Variants in ZNF407 observed in about 807,000 individuals in gnomAD.
ZNF407 encodes the protein zinc finger protein 407.
A neutral mutation model predicts 131.2 loss-of-function variants in ZNF407; 17 were observed. That is an observed-to-expected ratio of 0.13 (90% CI 0.09 to 0.19). The LOEUF is 0.19. Ranked by LOEUF, ZNF407 falls within the 10% of genes least tolerant of loss-of-function variation. ZNF407 has a pLI of 1.00. For missense variants in ZNF407, 2,681 were observed against 2,830.6 expected (o/e 0.95, Z 1.20); for synonymous variants, 1,156 against 1,062.0 (o/e 1.09, Z -1.72).
intron 8 of ZNF407, among the ~76,000 whole-genome samples, chr18:75,056,938 TTAAG>T (rs1973568538): frequency 6.6e-6 from 1 of 152,232 alleles, no homozygotes; most frequent in Admixed American, 6.5e-5. Flanking sequence ...TTAATAGACA[TTAAG>T]TATGATTTCT....
In ZNF407 at chr18:74,651,507, C is replaced by T. The variant is rs747359574; in HGVS notation, c.4802+10385C>T. The stretch of plus-strand genomic sequence containing the variant: ...GTGAAGGTTGTAACTCATGTTTAAG[C>T]GAGACTGTGTCATTAGAAGTTCACA... On this transcript the variant is annotated intron_variant, in intron 3 of 8. Transcript: ENST00000299687. 4.6e-5 allele frequency among the ~76,000 whole-genome samples: 7 copies of T among 151,996 alleles called. No homozygotes were observed. The East Asian group carries it at 5.8e-4, about 13-fold the overall frequency.
chr18:75,005,013 G>A (rs146492354), intron 8 of ZNF407, among the ~76,000 whole-genome samples: 1 of 152,174 alleles, frequency 6.6e-6, no homozygotes, highest in Admixed American at 6.5e-5. Context: ...GAAAATAGGA[G>A]TTTGATATGA....
At chr18:74,701,483 A>C (rs1028572492) in intron 3 of ZNF407, among the ~76,000 whole-genome samples, 1 of 152,148 alleles carries the variant, frequency 6.6e-6, no homozygotes. Context: ...CTATGTATGT[A>C]TACCATAGAC....
chr18:74,974,075 A>G (rs968028956), intron 8 of ZNF407, among the ~76,000 whole-genome samples: 1 of 152,226 alleles, frequency 6.6e-6, no homozygotes, highest in Non-Finnish European at 1.5e-5. Flanking sequence ...CATAGTATAT[A>G]TAAGTATTCA....
intron 8 of ZNF407, among the ~76,000 whole-genome samples, chr18:74,925,977 C>G (rs1183269039): frequency 6.6e-6 from 1 of 152,124 alleles, no homozygotes; most frequent in Non-Finnish European, 1.5e-5. Context: ...GACTAGATTC[C>G]TTGTTTTCCA....
intron 8 of ZNF407, among the ~76,000 whole-genome samples, chr18:74,926,377 T>C (rs1031210599): frequency 2.6e-5 from 4 of 152,234 alleles, no homozygotes; most frequent in Non-Finnish European, 1.5e-5. Context: ...CCAGGAAAAT[T>C]GTATTTGTGG....
chr18:74,749,385 G>A (rs1306497438), intron 3 of ZNF407, among the ~76,000 whole-genome samples: 1 of 152,090 alleles, frequency 6.6e-6, no homozygotes, highest in African/African-American at 2.4e-5. Flanking sequence ...GGTATGGCCT[G>A]TATCAATTCC....
At chr18:75,053,383 A>G (rs1950026640) in intron 8 of ZNF407, among the ~76,000 whole-genome samples, 1 of 152,216 alleles carries the variant, frequency 6.6e-6, no homozygotes, top group Non-Finnish European at 1.5e-5. Flanking sequence ...CAGAAAAGCT[A>G]GGTCAGGTGT....
chr18:74,611,601 T>C (rs938460984), intron 1 of ZNF407, among the ~76,000 whole-genome samples: 5 of 152,304 alleles, frequency 3.3e-5, no homozygotes, highest in South Asian at 2.1e-4. Flanking sequence ...GACAATATTG[T>C]TGGGAGGACA....
At chr18:74,899,771 A>C (rs552698338) in intron 7 of ZNF407, among the ~76,000 whole-genome samples, 10 of 152,168 alleles carry the variant, frequency 6.6e-5, no homozygotes, top group Admixed American at 6.5e-4. Context: ...TGTTGATGAA[A>C]TAGGAGAGTG....
rs1201999192 is a variant in ZNF407 at position 75,065,214 on chromosome 18, G to A, written c.*746G>A. On this transcript the variant is annotated 3_prime_UTR_variant, in exon 9 of 9. Transcript: ENST00000299687. ...ATATATGTCGGTGGAGATAGCCAGT[G>A]CTTCTAATTTTGACTTAGTTTCATA... is the stretch of plus-strand genomic sequence containing the variant. 1 of 152,238 alleles carries A rather than the reference G, an allele frequency of 6.6e-6. No homozygotes were observed. The highest frequency in any genetic ancestry group is 1.5e-5 in the Non-Finnish European group (1 of 68,020). 9.4% of individuals were successfully genotyped at this position (152,238 alleles called of 1,614,324 possible). A position where few individuals can be genotyped will look rare whatever the true frequency, so the allele number is the denominator to read the frequency against.
intron 4 of ZNF407, among the ~76,000 whole-genome samples, chr18:74,811,761 A>AGTATTCTC (rs1179010238): frequency 6.6e-6 from 1 of 152,120 alleles, no homozygotes; most frequent in Non-Finnish European, 1.5e-5. Context: ...ATTCTCAGTA[A>AGTATTCTC]ACTATTGCAA....
At chr18:74,679,564 G>A (rs908937670) in intron 3 of ZNF407, among the ~76,000 whole-genome samples, 1 of 152,206 alleles carries the variant, frequency 6.6e-6, no homozygotes, top group Non-Finnish European at 1.5e-5. Context: ...TTTTAATGGT[G>A]ACATAATCTC....
At chr18:74,879,012 AAAATC>A (rs1307456793) in intron 5 of ZNF407, among the ~76,000 whole-genome samples, 2 of 152,254 alleles carry the variant, frequency 1.3e-5, no homozygotes, top group East Asian at 3.9e-4. Flanking sequence ...TACACATAAA[AAAATC>A]AAAGTCACTA....
At chr18:74,640,969 A>C (rs777806902) in intron 2 of ZNF407, 39 bp from the exon 3 acceptor site, 3 of 1,451,826 alleles carry the variant, frequency 2.1e-6, no homozygotes, top group Non-Finnish European at 2.9e-6. Flanking sequence ...GTGATGTATT[A>C]TTCAAAATCA....
intron 4 of ZNF407, among the ~76,000 whole-genome samples, chr18:74,794,248 A>G (rs539204637): frequency 5.8e-4 from 88 of 152,258 alleles, no homozygotes; most frequent in Admixed American, 2.0e-3. Flanking sequence ...GGCCAACTCC[A>G]TCATCTGCCA....
chr18:74,898,114 A>AT (rs1971476779), intron 7 of ZNF407: 1 of 152,232 alleles, frequency 6.6e-6, no homozygotes, highest in African/African-American at 2.4e-5. Context: ...GAAAATGGTG[A>AT]TGCCGTCGTT....
chr18:75,047,557 C>T (rs540198420), intron 8 of ZNF407, among the ~76,000 whole-genome samples: 2 of 152,252 alleles, frequency 1.3e-5, no homozygotes, highest in South Asian at 4.1e-4. Context: ...CCTTCACTTT[C>T]TGTGTGCAGT....
intron 4 of ZNF407, among the ~76,000 whole-genome samples, chr18:74,839,459 T>C (rs973355474): frequency 6.6e-6 from 1 of 152,228 alleles, no homozygotes; most frequent in East Asian, 1.9e-4. Context: ...TTCTTCCTTA[T>C]GGAAACCTTA....
Sources: allele counts gnomAD v4.1 joint callset (sites outside exome capture counted in the v4.1 genomes callset), GRCh38; gene constraint gnomAD v4.1.1; transcripts MANE v1.5; gene names NCBI Gene and HGNC (gene_info 2026-07-23, HGNC 2026-07-21).